The following KPNA4 variants were observed in gnomAD, a reference collection of about 807,000 sequenced individuals.
KPNA4 encodes karyopherin subunit alpha 4.
Under a neutral mutation model 71.3 loss-of-function variants are expected in KPNA4, and 13 were observed. The ratio of observed to expected loss-of-function variants is 0.18; its 90% CI spans 0.12 to 0.29. The LOEUF is 0.29. KPNA4 is among the 10% of genes least tolerant of loss of function. The pLI, the probability that KPNA4 is intolerant of heterozygous loss-of-function variation, is 1.00. For missense variants in KPNA4, 334 were observed against 603.2 expected, an observed-to-expected ratio of 0.55 and a Z score of 4.67; for synonymous variants, 189 against 195.2, an observed-to-expected ratio of 0.97 and a Z score of 0.26.
chr3:160,502,969 G>A (rs1475912175), intron 16 of KPNA4, among the ~76,000 whole-genome samples: 1 of 152,054 alleles, frequency 6.6e-6, no homozygotes, highest in East Asian at 1.9e-4. Context: ...AAATTAGCTG[G>A]GCATGGTGGC....
chr3:160,503,541 T>TATA, intron 16 of KPNA4, among the ~76,000 whole-genome samples: 1 of 152,300 alleles, frequency 6.6e-6, no homozygotes, highest in East Asian at 1.9e-4. Context: ...TTATTATTAT[T>TATA]ATATACATTA....
chr3:160,532,830 A>T (rs555504306), intron 5 of KPNA4, among the ~76,000 whole-genome samples: 1 of 152,174 alleles, frequency 6.6e-6, no homozygotes, highest in Non-Finnish European at 1.5e-5. Flanking sequence ...TGTGTAACTA[A>T]ACAATAGGTT....
In KPNA4 at chr3:160,496,412, T is replaced by C. The variant is rs549851785; in HGVS notation, c.*5692A>G. The C allele has an allele frequency of 3.9e-5, 6 of 152,298 alleles. No individual in the cohort carries two copies. The highest frequency in any genetic ancestry group is 2.1e-4 in the South Asian group (1 of 4,826). The allele number at this position is 152,298 out of a possible 1,614,324, so 9.4% of individuals were successfully genotyped here. A position where few individuals can be genotyped will look rare whatever the true frequency, so the allele number is the denominator to read the frequency against. ...ACTGGATTGAGAACCACAAAAAGCA[T>C]GTAGATTTAAGCAGATTACGAGTCA... On this transcript the variant is annotated 3_prime_UTR_variant, in exon 17 of 17. Coordinates refer to ENST00000334256, the MANE Select transcript of KPNA4 (RefSeq NM_002268.5).
intron 1 of KPNA4, among the ~76,000 whole-genome samples, chr3:160,559,888 G>A (rs1015808512): frequency 3.9e-5 from 6 of 151,966 alleles, no homozygotes; most frequent in African/African-American, 1.4e-4. Context: ...TTTTGGTTTT[G>A]AAAAATGTCC....
In KPNA4 at chr3:160,522,709, C is replaced by T. The variant is rs562506102; in HGVS notation, c.772-799G>A. Among the ~76,000 whole-genome samples the T allele has an allele frequency of 1.1e-4, 17 of 152,314 alleles. No homozygotes were observed. In the East Asian group the frequency reaches 2.9e-3, roughly 26 times the overall value. ...TCCTGACCTCATGATCCGCCCGCCT[C>T]GGCCTCCCAAAGTGCTGGGATTACA... On this transcript the variant is annotated intron_variant, in intron 10 of 16. Coordinates refer to ENST00000334256, the MANE Select transcript of KPNA4 (RefSeq NM_002268.5).
intron 13 of KPNA4, among the ~76,000 whole-genome samples, chr3:160,513,249 GT>G (rs946090860): frequency 3.9e-3 from 311 of 80,636 alleles, no homozygotes; most frequent in East Asian, 0.02. Flanking sequence ...CTACTTTGTG[GT>G]TTTTTTTTTT....
At chr3:160,515,706 T>A in intron 11 of KPNA4, 126 bp from the exon 12 acceptor site, 1 of 1,048,554 alleles carries the variant, frequency 9.5e-7, no homozygotes, top group Non-Finnish European at 1.3e-6. Context: ...CCTCTGCCTC[T>A]CAGGCTCAAG....
intron 1 of KPNA4, among the ~76,000 whole-genome samples, chr3:160,555,627 A>G (rs945738370): frequency 2.0e-5 from 3 of 152,166 alleles, no homozygotes; most frequent in Admixed American, 6.5e-5. Flanking sequence ...CTAAATATTA[A>G]TATCTTGTTG....
intron 13 of KPNA4, among the ~76,000 whole-genome samples, chr3:160,511,718 A>T (rs1721098420): frequency 6.7e-6 from 1 of 149,132 alleles, no homozygotes; most frequent in Non-Finnish European, 1.5e-5. Context: ...TTATTTTTAT[A>T]TATATATATA....
chr3:160,551,951 G>T (rs1302632111), intron 1 of KPNA4, among the ~76,000 whole-genome samples: 5 of 136,868 alleles, frequency 3.7e-5, no homozygotes, highest in African/African-American at 1.0e-4. Flanking sequence ...GGGGGGGGGG[G>T]GTGATGTGCT....
intron 8 of KPNA4, among the ~76,000 whole-genome samples, chr3:160,527,264 T>C (rs1023855293): frequency 2.6e-5 from 4 of 152,198 alleles, no homozygotes; most frequent in Non-Finnish European, 4.4e-5. Flanking sequence ...TACTGGAGAA[T>C]AGTTCTTTGA....
intron 14 of KPNA4, among the ~76,000 whole-genome samples, chr3:160,508,905 T>C (rs1490001712): frequency 6.6e-6 from 1 of 152,206 alleles, no homozygotes; most frequent in African/African-American, 2.4e-5. Context: ...CAATTCACTA[T>C]TCTATTGATT....
chr3:160,504,673 T>C (rs1371877094), intron 16 of KPNA4, among the ~76,000 whole-genome samples: 1 of 152,154 alleles, frequency 6.6e-6, no homozygotes, highest in African/African-American at 2.4e-5. Context: ...CTATTAACAA[T>C]TTTAAAAAAT....
intron 15 of KPNA4, among the ~76,000 whole-genome samples, chr3:160,507,332 C>T (rs564289578): frequency 1.6e-4 from 25 of 152,080 alleles, no homozygotes; most frequent in African/African-American, 5.5e-4. Flanking sequence ...AACCCCGTCT[C>T]TACTAAATAT....
rs78871906 is a variant in KPNA4, at chr3:160,504,590, G to A, written c.1467+368C>T. 5.9e-5 allele frequency among the ~76,000 whole-genome samples: 9 copies of A among 152,150 alleles called. No homozygotes were observed. The East Asian group carries it at 1.7e-3, about 29-fold the overall frequency. On this transcript the variant is annotated intron_variant, in intron 16 of 16. Transcript: ENST00000334256. ...AAAACAGTGACAACCCATCAAGTGT[G>A]GATTAACTACTGTCATAAAGAACTT...
rs78542767 is a variant in KPNA4 at position 160,537,742 on chromosome 3, G to A, written c.70-902C>T. ...AAATGGCAACTCCATCCTTGCAGCT[G>A]CAAAGACCAAAAACCTTGGAGCCAT... is the stretch of plus-strand genomic sequence containing the variant. On this transcript the variant is annotated intron_variant, in intron 1 of 16. Coordinates refer to ENST00000334256, the MANE Select transcript of KPNA4 (RefSeq NM_002268.5). 3.2e-3 allele frequency among the ~76,000 whole-genome samples: 481 copies of A among 151,320 alleles called. 2 individuals carry two copies. The highest frequency in any genetic ancestry group is 0.011 in the African/African-American group (461 of 41,196).
chr3:160,534,641 C>G (rs966283337), intron 5 of KPNA4, among the ~76,000 whole-genome samples: 1 of 138,270 alleles, frequency 7.2e-6, no homozygotes, highest in Non-Finnish European at 1.5e-5. Context: ...TGCTTGAACC[C>G]GGGAGGCAGA....
At chr3:160,561,243 A>G (rs1722239703) in intron 1 of KPNA4, among the ~76,000 whole-genome samples, 1 of 152,102 alleles carries the variant, frequency 6.6e-6, no homozygotes, top group African/African-American at 2.4e-5. Context: ...TTTCATAAAA[A>G]GTATGCAGGT....
rs1721190240 is a variant in KPNA4, at chr3:160,515,387, T to C, written c.1032+65A>G. On this transcript the variant is annotated intron_variant, in intron 12 of 16. Coordinates refer to ENST00000334256, the MANE Select transcript of KPNA4 (RefSeq NM_002268.5). ...ATTACAGACATTTCTAAGACTCTAATTTTACAAATAGAAACTGTTAACATT... is the reference window on the plus strand; with the variant it reads ...ATTACAGACATTTCTAAGACTCTAACTTTACAAATAGAAACTGTTAACATT... 4 of 1,380,776 alleles carry C rather than the reference T, an allele frequency of 2.9e-6. No homozygotes were observed. In the Admixed American group the frequency reaches 6.6e-5, roughly 23 times the overall value. The allele number at this position is 1,380,776 out of a possible 1,614,324, so 85.5% of individuals were successfully genotyped here. A position where few individuals can be genotyped will look rare whatever the true frequency, so the allele number is the denominator to read the frequency against.
Sources: gnomAD v4.1 joint callset for allele counts (sites outside exome capture counted in the v4.1 genomes callset) on GRCh38, gnomAD v4.1.1 for gene constraint, MANE v1.5 for transcripts, NCBI Gene and HGNC (gene_info 2026-07-23, HGNC 2026-07-21) for gene names.